The following ACTR3C variants were observed in gnomAD, a reference collection of about 807,000 sequenced individuals.
The protein encoded by ACTR3C is actin related protein 3C, also known as actin-related protein 3C.
ACTR3C carries 18 observed loss-of-function variants against 26.3 expected under a neutral mutation model. The ratio of observed to expected loss-of-function variants is 0.68; its 90% confidence interval spans 0.47 to 1.01. The LOEUF is 1.01. Among genes scored for constraint, ACTR3C ranks in the 50% least tolerant of loss-of-function variants. The probability of loss-of-function intolerance (pLI) is 0.00; values close to 1 mark genes in which losing one functional copy is unlikely to be tolerated. For missense variants in ACTR3C, 184 were observed against 250.7 expected (o/e 0.73, Z 1.80); for synonymous variants, 55 against 94.5 (o/e 0.58, Z 2.42).
chr7:150,006,213 T>TA, the ACTR3C span, among the ~76,000 whole-genome samples: 419 of 151,818 alleles, frequency 2.8e-3, 1 homozygote, highest in African/African-American at 8.7e-3. Context: ...TTTATTTATT[T>TA]TGAGAAGGAG....
the ACTR3C span, among the ~76,000 whole-genome samples, chr7:150,129,279 A>G: frequency 1.3e-5 from 2 of 152,108 alleles, no homozygotes; most frequent in African/African-American, 2.4e-5. Context: ...CCAACAAGTA[A>G]CATACTGAAT....
At chr7:150,163,390 G>GTGTGTGTGTGTGTATATATATA in the ACTR3C span, among the ~76,000 whole-genome samples, 1 of 151,394 alleles carries the variant, frequency 6.6e-6, no homozygotes, top group Admixed American at 6.6e-5. Context: ...GTGTATGTGT[G>GTGTGTGTGTGTGTATATATATA]TGTGTGTGTG....
the ACTR3C span, among the ~76,000 whole-genome samples, chr7:150,135,350 TAA>T: frequency 1.3e-5 from 2 of 152,238 alleles, no homozygotes; most frequent in African/African-American, 4.8e-5. Context: ...CTGATGAAAC[TAA>T]GCTATTTACA....
chr7:150,149,888 A>C, the ACTR3C span, among the ~76,000 whole-genome samples: 1 of 152,214 alleles, frequency 6.6e-6, no homozygotes. Flanking sequence ...TCTTTAATTC[A>C]TGTGGATTTT....
chr7:150,115,039 T>C, the ACTR3C span, among the ~76,000 whole-genome samples: 1 of 152,174 alleles, frequency 6.6e-6, no homozygotes, highest in East Asian at 1.9e-4. Context: ...CCATCCCAAA[T>C]TGCCAAATCC....
At chr7:150,261,616 T>G (rs562916013) in intron 6 of ACTR3C, among the ~76,000 whole-genome samples, 54 of 152,324 alleles carry the variant, frequency 3.5e-4, no homozygotes, top group African/African-American at 1.2e-3. Context: ...GCAGCAGAAT[T>G]GCTTGAACCG....
chr7:150,034,654 G>C, the ACTR3C span, among the ~76,000 whole-genome samples: 6 of 148,146 alleles, frequency 4.1e-5, 1 homozygote, highest in Admixed American at 2.0e-4. Flanking sequence ...CCGTCGGATC[G>C]TAAATCCCAC....
At chr7:149,933,513 T>C in the ACTR3C span, among the ~76,000 whole-genome samples, 1 of 152,074 alleles carries the variant, frequency 6.6e-6, no homozygotes. Flanking sequence ...AAATTGAAGA[T>C]ACTAAAGATA....
At chr7:150,068,122 G>T in the ACTR3C span, among the ~76,000 whole-genome samples, 3 of 152,190 alleles carry the variant, frequency 2.0e-5, no homozygotes, top group African/African-American at 4.8e-5. Flanking sequence ...ACAGGAGTTA[G>T]ATTTTTTATT....
intron 1 of ACTR3C, among the ~76,000 whole-genome samples, chr7:150,315,364 GGAAGAGGA>G (rs1405531497): frequency 6.6e-6 from 1 of 152,040 alleles, no homozygotes; most frequent in African/African-American, 2.4e-5. Flanking sequence ...CCATATACCT[GGAAGAGGA>G]TATGCAGCCG....
At chr7:150,321,286 T>C (rs980731144) in intron 1 of ACTR3C, among the ~76,000 whole-genome samples, 17 of 152,256 alleles carry the variant, frequency 1.1e-4, no homozygotes, top group African/African-American at 3.9e-4. Flanking sequence ...TTGCAGCTGT[T>C]CTTGAATAAA....
At chr7:149,954,269 G>C in the ACTR3C span, among the ~76,000 whole-genome samples, 2 of 152,136 alleles carry the variant, frequency 1.3e-5, no homozygotes, top group African/African-American at 2.4e-5. Context: ...CATTTGAGTA[G>C]AAAAAGAACA....
the ACTR3C span, among the ~76,000 whole-genome samples, chr7:150,140,778 T>A: frequency 1.3e-5 from 2 of 152,256 alleles, no homozygotes; most frequent in East Asian, 3.9e-4. Context: ...TAAAAAAAAA[T>A]TAGAATTGAT....
chr7:149,918,734 G>A, the ACTR3C span, among the ~76,000 whole-genome samples: 1 of 152,196 alleles, frequency 6.6e-6, no homozygotes, highest in African/African-American at 2.4e-5. Flanking sequence ...ATTAAACCAT[G>A]AGGATGTGGA....
the ACTR3C span, among the ~76,000 whole-genome samples, chr7:150,043,175 C>T: frequency 3.4e-4 from 52 of 150,750 alleles, no homozygotes; most frequent in East Asian, 2.5e-3. Flanking sequence ...AAATCCCACG[C>T]AAGGTACCTG....
At chr7:149,928,889 T>A in the ACTR3C span, among the ~76,000 whole-genome samples, 2 of 152,010 alleles carry the variant, frequency 1.3e-5, no homozygotes, top group African/African-American at 4.8e-5. Flanking sequence ...TCAGCCTGAA[T>A]GAGCTTCACT....
chr7:150,190,043 G>A, the ACTR3C span, among the ~76,000 whole-genome samples: 4 of 152,180 alleles, frequency 2.6e-5, no homozygotes, highest in African/African-American at 4.8e-5. Flanking sequence ...GCTCTGTGAC[G>A]TTGCTTGAAC....
At chr7:150,063,459 C>A in the ACTR3C span, among the ~76,000 whole-genome samples, 1 of 151,398 alleles carries the variant, frequency 6.6e-6, no homozygotes, top group East Asian at 1.9e-4. Flanking sequence ...CTCCCATGTG[C>A]CTCCCAGGGT....
At chr7:150,039,696 C>T in the ACTR3C span, among the ~76,000 whole-genome samples, 125 of 124,442 alleles carry the variant, frequency 1.0e-3, no homozygotes, top group South Asian at 0.011. Context: ...GGTCCTAAGC[C>T]GGGGGGGAAG....
Sources: gnomAD v4.1 joint callset for allele counts (sites outside exome capture counted in the v4.1 genomes callset) on GRCh38, gnomAD v4.1.1 for gene constraint, MANE v1.5 for transcripts, NCBI Gene and HGNC (gene_info 2026-07-23, HGNC 2026-07-21) for gene names.